The following CRYBG1 variants were observed in gnomAD, a reference collection of about 807,000 sequenced individuals.
CRYBG1 encodes the protein crystallin beta-gamma domain containing 1.
CRYBG1 carries 139 observed loss-of-function variants against 189.2 expected under a neutral mutation model. That is an observed-to-expected ratio of 0.73 (90% CI 0.64 to 0.85). CRYBG1 has a LOEUF of 0.85. Among genes scored for constraint, CRYBG1 ranks in the 40% least tolerant of loss-of-function variants. The probability of loss-of-function intolerance (pLI) is 0.00; values close to 1 mark genes in which losing one functional copy is unlikely to be tolerated. For missense variants in CRYBG1, 2,611 were observed against 2,675.8 expected (o/e 0.98, Z 0.53); for synonymous variants, 1,023 against 1,017.1 (o/e 1.01, Z -0.11).
At chr6:106,558,682 G>T in intron 18 of CRYBG1, 57 bp downstream of exon 18, 2 of 1,477,594 alleles carry the variant, frequency 1.4e-6, no homozygotes, top group Non-Finnish European at 1.8e-6. Flanking sequence ...TCAAGTTTGG[G>T]CTGGGCACAG....
chr6:106,364,957 T>A (rs568999607), intron 1 of CRYBG1, among the ~76,000 whole-genome samples: 5 of 152,364 alleles, frequency 3.3e-5, no homozygotes, highest in African/African-American at 1.2e-4. Context: ...ACATAGTATG[T>A]GCTCAACCAA....
chr6:106,433,724 T>A, intron 1 of CRYBG1, among the ~76,000 whole-genome samples: 1 of 61,582 alleles, frequency 1.6e-5, no homozygotes, highest in East Asian at 1.0e-3. Context: ...GGGAAATATA[T>A]ATATATATAT....
intron 1 of CRYBG1, among the ~76,000 whole-genome samples, chr6:106,440,565 C>T (rs952262764): frequency 2.6e-5 from 4 of 152,206 alleles, no homozygotes; most frequent in Non-Finnish European, 5.9e-5. Context: ...CTGCACCCGG[C>T]CCCTTTCTTT....
At chr6:106,464,000 A>G (rs1772063760) in intron 2 of CRYBG1, among the ~76,000 whole-genome samples, 1 of 152,172 alleles carries the variant, frequency 6.6e-6, no homozygotes, top group African/African-American at 2.4e-5. Flanking sequence ...ATGGGGAAAA[A>G]CCAAAATGTG....
At chr6:106,435,316 C>T (rs1267649160) in intron 1 of CRYBG1, among the ~76,000 whole-genome samples, 2 of 151,978 alleles carry the variant, frequency 1.3e-5, no homozygotes, top group East Asian at 1.9e-4. Flanking sequence ...CTACAGGGGC[C>T]GCCACACCTG....
At chr6:106,430,156 A>G (rs187392141) in intron 1 of CRYBG1, among the ~76,000 whole-genome samples, 12 of 152,306 alleles carry the variant, frequency 7.9e-5, no homozygotes, top group African/African-American at 2.2e-4. Flanking sequence ...TAGACTGGGC[A>G]TGGTGGCTCA....
chr6:106,519,540 G>T lies in CRYBG1; in HGVS notation c.2332G>T (p.Gly778Cys). The change falls in exon 4 of 22, where the codon GGT becomes TGT. Residue 778 changes from glycine (G) to cysteine (C), a missense_variant. Around this residue, in one of 3 missense-constraint regions of CRYBG1, gnomAD observed 1,622 missense variants for 1,735.0 expected, o/e 0.93. Transcript: ENST00000633556. ...NGDSSENQALGPQPNQDDKAD... is the reference protein window; with the variant it reads ...NGDSSENQALCPQPNQDDKAD... Reference sequence around the variant, plus strand: ...AGACTCTTCTGAGAATCAAGCTCTTGGTCCTCAGCCTAACCAAGATGATAA... The same window carrying T: ...AGACTCTTCTGAGAATCAAGCTCTTTGTCCTCAGCCTAACCAAGATGATAA... 6.2e-7 allele frequency: 1 copy of T among 1,614,050 alleles called. No individual in the cohort carries two copies. Among genetic ancestry groups the T allele is most frequent in the Non-Finnish European group, 8.5e-7 (1 of 1,179,968 alleles).
rs1774284629 is a variant in CRYBG1 at position 106,547,209 on chromosome 6, CACA to C, written c.5312+2277_5312+2279del. On this transcript the variant is annotated intron_variant, in intron 13 of 21. Coordinates refer to ENST00000633556, the MANE Select transcript of CRYBG1 (RefSeq NM_001371242.2). Reference sequence around the variant, plus strand: ...GTGGACACACACACACACACACACACACACCACTTCCTTTGAAATTCTTTGCAT... The same window carrying C: ...GTGGACACACACACACACACACACACCCACTTCCTTTGAAATTCTTTGCAT... Among the ~76,000 whole-genome samples, 10 of 24,840 alleles carry C rather than the reference CACA, an allele frequency of 4.0e-4. No individual in the cohort carries two copies. In the South Asian group the frequency reaches 0.013, roughly 32 times the overall value. 16.3% of individuals were successfully genotyped at this position (24,840 alleles called of 152,430 possible).
At chr6:106,551,773 T>C in intron 13 of CRYBG1, 79 bp from the exon 14 acceptor site, 1 of 1,439,632 alleles carries the variant, frequency 6.9e-7, no homozygotes, top group Non-Finnish European at 9.6e-7. Context: ...AGTTTCTGTA[T>C]GATACATAGA....
At chr6:106,396,673 G>T (rs985051161) in intron 1 of CRYBG1, among the ~76,000 whole-genome samples, 26 of 152,160 alleles carry the variant, frequency 1.7e-4, no homozygotes, top group African/African-American at 6.3e-4. Flanking sequence ...CAAGACCTCA[G>T]GGCAACACCT....
chr6:106,520,318 C>T lies in CRYBG1; in HGVS notation c.3110C>T (p.Thr1037Ile). The change falls in exon 4 of 22, where the codon ACT becomes ATT. Residue 1037 changes from threonine (T) to isoleucine (I), a missense_variant. Coordinates refer to ENST00000633556, the MANE Select transcript of CRYBG1 (RefSeq NM_001371242.2). ...PQVIPPASEK[T>I]LPIQAQSQGS... is the part of the protein sequence containing the mutation. ...GTCATACCGCCAGCATCAGAGAAAA[C>T]TCTGCCTATTCAGGCTCAAAGTCAG... 1 of 1,614,076 alleles carries T rather than the reference C, an allele frequency of 6.2e-7. No individual in the cohort carries two copies. Among genetic ancestry groups the T allele is most frequent in the South Asian group, 1.1e-5 (1 of 91,086 alleles).
chr6:106,513,009 G>A lies in CRYBG1; in HGVS notation c.1892G>A (p.Gly631Asp). Residue 631 changes from glycine to aspartate, a missense_variant, in exon 3 of 22, where the codon GGC (glycine) becomes GAC (aspartate). This residue lies in a region of CRYBG1 where 985 missense variants were observed against 924.4 expected (regional missense o/e 1.07). Transcript: ENST00000633556. ...AAGCCCAGGAACCATTTCGGCGTGG[G>A]CAGGTCGACAGTGACCACTAAAGTG... ...GLKPRNHFGV[G>D]RSTVTTKVTL... is the part of the protein sequence containing the mutation. 6.2e-7 allele frequency: 1 copy of A among 1,606,936 alleles called. No homozygotes were observed. The highest frequency in any genetic ancestry group is 8.5e-7 in the Non-Finnish European group (1 of 1,179,732).
chr6:106,433,293 T>C (rs936525219), intron 1 of CRYBG1, among the ~76,000 whole-genome samples: 2 of 152,140 alleles, frequency 1.3e-5, no homozygotes. Flanking sequence ...GCTACACAAA[T>C]ATAAGACAAT....
intron 13 of CRYBG1, among the ~76,000 whole-genome samples, chr6:106,545,278 C>G (rs1774242851): frequency 6.6e-6 from 1 of 152,138 alleles, no homozygotes; most frequent in Admixed American, 6.5e-5. Context: ...GAGGCTGGGT[C>G]AAAGTCCCAG....
At chr6:106,505,555 T>C (rs1031688805) in intron 2 of CRYBG1, among the ~76,000 whole-genome samples, 2 of 152,060 alleles carry the variant, frequency 1.3e-5, no homozygotes, top group Non-Finnish European at 1.5e-5. Context: ...GTTTCTCCTT[T>C]TTCTCCCCCT....
intron 1 of CRYBG1, among the ~76,000 whole-genome samples, chr6:106,365,163 C>T (rs1341001990): frequency 1.3e-5 from 2 of 151,854 alleles, no homozygotes; most frequent in Admixed American, 1.3e-4. Context: ...ATGTGGTGGC[C>T]CACACCTGTA....
intron 1 of CRYBG1, among the ~76,000 whole-genome samples, chr6:106,377,876 C>G (rs1458544891): frequency 1.3e-5 from 2 of 151,940 alleles, no homozygotes. Context: ...AAGACAAAAA[C>G]AAAAATTTAT....
At chr6:106,482,913 AATGT>A (rs1772500838) in intron 2 of CRYBG1, among the ~76,000 whole-genome samples, 1 of 152,176 alleles carries the variant, frequency 6.6e-6, no homozygotes, top group Non-Finnish European at 1.5e-5. Context: ...TTGATGTTTC[AATGT>A]ATGCTGTATA....
chr6:106,494,518 AGAG>A (rs1485729379), intron 2 of CRYBG1, among the ~76,000 whole-genome samples: 2 of 152,194 alleles, frequency 1.3e-5, no homozygotes, highest in Non-Finnish European at 2.9e-5. Flanking sequence ...GATGAAAGAA[AGAG>A]GAGAACATTT....
Sources: gnomAD v4.1 joint callset for allele counts (sites outside exome capture counted in the v4.1 genomes callset) on GRCh38, gnomAD v4.1.1 for gene constraint, gnomAD v4.1.1 regional missense constraint, MANE v1.5 for transcripts, NCBI Gene and HGNC (gene_info 2026-07-23, HGNC 2026-07-21) for gene names.